The following CSTPP1 variants were observed in gnomAD, a reference collection of about 807,000 sequenced individuals.
The protein encoded by CSTPP1 is centriolar satellite-associated tubulin polyglutamylase complex regulator 1.
the CSTPP1 span, among the ~76,000 whole-genome samples, chr11:47,057,206 T>C: frequency 2.0e-5 from 3 of 152,294 alleles, no homozygotes; most frequent in East Asian, 3.9e-4. Context: ...TTAAAAGCCT[T>C]TAAAATTACA....
chr11:47,122,093 T>A, the CSTPP1 span, among the ~76,000 whole-genome samples: 3,425 of 48,104 alleles, frequency 0.071, 72 homozygotes, highest in African/African-American at 0.14. Context: ...AAAAAAAAAA[T>A]ATATATATAT....
chr11:47,119,239 C>T, the CSTPP1 span, among the ~76,000 whole-genome samples: 1 of 152,262 alleles, frequency 6.6e-6, no homozygotes, highest in Non-Finnish European at 1.5e-5. Context: ...GAGCAAGGTT[C>T]TGTGGGCGTG....
the CSTPP1 span, among the ~76,000 whole-genome samples, chr11:47,091,388 T>A: frequency 5.3e-5 from 8 of 150,378 alleles, no homozygotes; most frequent in Admixed American, 3.3e-4. Context: ...AAAAAAAAAA[T>A]TTTACCTAAC....
the CSTPP1 span, among the ~76,000 whole-genome samples, chr11:47,096,034 G>C: frequency 6.6e-6 from 1 of 152,204 alleles, no homozygotes; most frequent in African/African-American, 2.4e-5. Flanking sequence ...CAAATAGCCA[G>C]TCTGGGGTAT....
chr11:47,116,394 C>T, the CSTPP1 span, among the ~76,000 whole-genome samples: 3 of 152,112 alleles, frequency 2.0e-5, no homozygotes, highest in African/African-American at 7.2e-5. Flanking sequence ...TCTTGTTGAA[C>T]TGTCTAATAT....
At chr11:47,074,501 G>GGA in the CSTPP1 span, among the ~76,000 whole-genome samples, 1 of 115,200 alleles carries the variant, frequency 8.7e-6, no homozygotes, top group African/African-American at 3.4e-5. Context: ...TCCTGTCTCA[G>GGA]AAAAAAAAAA....
the CSTPP1 span, among the ~76,000 whole-genome samples, chr11:47,097,324 T>TG: frequency 2.0e-5 from 2 of 101,382 alleles, no homozygotes; most frequent in Admixed American, 9.8e-5. Flanking sequence ...GGGAGGGAGG[T>TG]GGGGGGGTCA....
At chr11:47,103,609 A>G in the CSTPP1 span, 1 of 151,448 alleles carries the variant, frequency 6.6e-6, no homozygotes, top group Non-Finnish European at 1.5e-5. Context: ...GACTTGCTAC[A>G]TACTGGGGAA....
At chr11:47,164,262 C>G in the CSTPP1 span, 1 of 1,609,648 alleles carries the variant, frequency 6.2e-7, no homozygotes, top group South Asian at 1.1e-5. Context: ...AGGCCAGGGG[C>G]CGGCACTGGG....
At chr11:46,966,153 C>T in the CSTPP1 span, among the ~76,000 whole-genome samples, 51,575 of 151,752 alleles carry the variant, frequency 0.34, 10,344 homozygotes, top group Non-Finnish European at 0.44. Context: ...AGTGATTCTC[C>T]TGCCTCAGCC....
the CSTPP1 span, among the ~76,000 whole-genome samples, chr11:46,952,670 C>G: frequency 1.3e-5 from 2 of 152,250 alleles, no homozygotes; most frequent in Admixed American, 1.3e-4. Flanking sequence ...CAGTTGCTCC[C>G]TTTTTACAAT....
chr11:46,945,487 C>G, the CSTPP1 span, among the ~76,000 whole-genome samples: 1 of 151,952 alleles, frequency 6.6e-6, no homozygotes, highest in African/African-American at 2.4e-5. Context: ...TGGTGGTGCG[C>G]ACCTGGAGTC....
the CSTPP1 span, among the ~76,000 whole-genome samples, chr11:47,143,537 C>T: frequency 6.6e-6 from 1 of 152,174 alleles, no homozygotes. Context: ...GCATCATGGC[C>T]AGGCCCTGGG....
chr11:47,026,449 T>A, the CSTPP1 span, among the ~76,000 whole-genome samples: 2 of 152,206 alleles, frequency 1.3e-5, no homozygotes, highest in Non-Finnish European at 2.9e-5. Flanking sequence ...TATTTTTTTT[T>A]AATTGACATA....
the CSTPP1 span, among the ~76,000 whole-genome samples, chr11:46,963,954 T>G: frequency 6.6e-6 from 1 of 152,142 alleles, no homozygotes; most frequent in Non-Finnish European, 1.5e-5. Context: ...TAATTCATTA[T>G]TTTTAAATGT....
At chr11:46,979,897 C>T in the CSTPP1 span, among the ~76,000 whole-genome samples, 1 of 152,110 alleles carries the variant, frequency 6.6e-6, no homozygotes, top group East Asian at 1.9e-4. Context: ...TGGGTGACAA[C>T]AGCGAGACTC....
At chr11:47,155,491 G>A in the CSTPP1 span, 2 of 579,152 alleles carry the variant, frequency 3.5e-6, no homozygotes, top group South Asian at 4.4e-5. Context: ...ACACCGCAGT[G>A]TTTTCAGTCA....
the CSTPP1 span, among the ~76,000 whole-genome samples, chr11:47,026,873 G>A: frequency 6.6e-6 from 1 of 152,052 alleles, no homozygotes; most frequent in African/African-American, 2.4e-5. Flanking sequence ...GGAAGACCCT[G>A]TCTCAAAAAA....
At chr11:46,953,806 A>G in the CSTPP1 span, among the ~76,000 whole-genome samples, 1 of 152,224 alleles carries the variant, frequency 6.6e-6, no homozygotes, top group Non-Finnish European at 1.5e-5. Flanking sequence ...ACCGCTTCAC[A>G]TGGCGTAATT....
Sources: allele counts gnomAD v4.1 joint callset (sites outside exome capture counted in the v4.1 genomes callset), GRCh38; gene constraint gnomAD v4.1.1; transcripts MANE v1.5; gene names NCBI Gene and HGNC (gene_info 2026-07-23, HGNC 2026-07-21).